The following VIRMA variants were observed in gnomAD, a reference collection of about 807,000 sequenced individuals.
The protein encoded by VIRMA is vir like m6A methyltransferase associated.
VIRMA carries 65 observed loss-of-function variants against 182.4 expected under a neutral mutation model. The observed-to-expected ratio is 0.36, with a 90% CI of 0.29 to 0.44. VIRMA has a LOEUF of 0.44. Among genes scored for constraint, VIRMA ranks in the 20% least tolerant of loss-of-function variants. The pLI is 1.00. For missense variants in VIRMA, 1,752 were observed against 2,158.1 expected (o/e 0.81, Z 3.73); for synonymous variants, 709 against 743.1 (o/e 0.95, Z 0.75).
chr8:94,516,933 T>G (rs1055430385), intron 10 of VIRMA, among the ~76,000 whole-genome samples: 2 of 152,204 alleles, frequency 1.3e-5, no homozygotes, highest in Non-Finnish European at 2.9e-5. Context: ...CTTGATAAGG[T>G]CAGAAAACGA....
In VIRMA at chr8:94,531,058, T is replaced by C; in HGVS notation, c.512A>G (p.Asn171Ser). The C allele has an allele frequency of 6.3e-7, 1 of 1,583,274 alleles. No homozygotes were observed. The highest frequency in any genetic ancestry group is 2.3e-5 in the East Asian group (1 of 42,764). Residue 171 changes from asparagine to serine, a missense_variant, in exon 6 of 24, where the codon AAT becomes AGT. By Grantham distance (46) the Asn-to-Ser change is conservative (BLOSUM62 1). Coordinates refer to ENST00000297591, the MANE Select transcript of VIRMA (RefSeq NM_015496.5). ...TGGCTGTGGTCTTGGAGGGCTTCCA[T>C]TAAACTGATCTTCTTTCTCCCCATC... ...HADGEKEDQF[N>S]GSPPRPQPRG...
In VIRMA at chr8:94,495,832, C is replaced by T; in HGVS notation, c.4443G>A (p.Lys1481=). ...GGTCACCTGATGACTCCAGCATCTG[C>T]TTAAGTCCAACTACACTGTCCAACA... is the stretch of plus-strand genomic sequence containing the variant. ...DSLLDSVVGL[K]QMLESSGDPL... The change falls in exon 19 of 24, where the codon AAG becomes AAA. Residue 1481 remains lysine, a synonymous_variant. Transcript: ENST00000297591. 1 of 1,613,954 alleles carries T rather than the reference C, an allele frequency of 6.2e-7. No homozygotes were observed. The highest frequency in any genetic ancestry group is 1.3e-5 in the African/African-American group (1 of 75,042).
chr8:94,526,980 T>G lies in VIRMA; in HGVS notation c.1264A>C (p.Asn422His). Reference sequence around the variant, plus strand: ...TGGCCAAGGGAGTCTTGTTTTGTGTTTTTCAATTGCAAATAGCTTAACCCT... The same window carrying G: ...TGGCCAAGGGAGTCTTGTTTTGTGTGTTTCAATTGCAAATAGCTTAACCCT... ...IKGLSYLQLK[N>H]TKQDSLGQLV... Residue 422 changes from asparagine to histidine, a missense_variant, in exon 8 of 24, where the codon AAC becomes CAC. Around this residue, in one of 11 missense-constraint regions of VIRMA, gnomAD observed 401 missense variants for 455.1 expected, o/e 0.88. Coordinates refer to ENST00000297591, the MANE Select transcript of VIRMA (RefSeq NM_015496.5). The G allele has an allele frequency of 6.2e-7, 1 of 1,614,214 alleles. No individual in the cohort carries two copies. The highest frequency in any genetic ancestry group is 8.5e-7 in the Non-Finnish European group (1 of 1,180,028).
chr8:94,499,316 A>G, intron 17 of VIRMA, 58 bp downstream of exon 17: 2 of 1,265,546 alleles, frequency 1.6e-6, no homozygotes, highest in East Asian at 5.4e-5. Flanking sequence ...TTTCAAATTT[A>G]AGAAACACCA....
At chr8:94,537,220 C>T (rs2130375341) in intron 3 of VIRMA, 69 bp from the exon 4 acceptor site, 1 of 976,250 alleles carries the variant, frequency 1.0e-6, no homozygotes, top group Non-Finnish European at 1.6e-6. Context: ...AGACGTCTCT[C>T]TAGATTCAAA....
Position 94,526,843 on chromosome 8 carries a change from T to A in VIRMA, c.1401A>T (p.Ala467=). 1.2e-6 allele frequency: 2 copies of A among 1,614,210 alleles called. No homozygotes were observed. Among genetic ancestry groups the A allele is most frequent in the Non-Finnish European group, 1.7e-6 (2 of 1,180,026 alleles). The change falls in exon 8 of 24, where the codon GCA becomes GCT. Residue 467 remains alanine (A), a synonymous_variant. Coordinates refer to ENST00000297591, the MANE Select transcript of VIRMA (RefSeq NM_015496.5). ...KAGTKLVSSL[A]ECGAQGVTGL... ...CTGTAACTCCTTGAGCCCCACATTC[T>A]GCTAGTGAGGACACTAATTTGGTCC...
In VIRMA at chr8:94,491,678, T is replaced by C. The variant is rs771832914; in HGVS notation, c.5040A>G (p.Val1680=). ...GIPPPKRPLK[V]SQKISSRGGF... ...CACCACGGGAAGAAATCTTCTGTGA[T>C]ACTTTGAGTGGCCGTTTTGGTGGAG... is the stretch of plus-strand genomic sequence containing the variant. The change falls in exon 22 of 24, where the codon GTA becomes GTG. Residue 1680 remains valine (V), a synonymous_variant. Transcript: ENST00000297591. The C allele has an allele frequency of 1.9e-6, 3 of 1,614,230 alleles. No individual in the cohort carries two copies. The highest frequency in any genetic ancestry group is 3.3e-5 in the Admixed American group (2 of 60,030).
At chr8:94,542,136 C>T (rs550842886) in intron 2 of VIRMA, among the ~76,000 whole-genome samples, 1 of 152,332 alleles carries the variant, frequency 6.6e-6, no homozygotes, top group African/African-American at 2.4e-5. Flanking sequence ...GTAAGGTGTA[C>T]ACCCTATGTA....
At chr8:94,540,254 CTA>C (rs1324452352) in intron 2 of VIRMA, among the ~76,000 whole-genome samples, 1 of 151,792 alleles carries the variant, frequency 6.6e-6, no homozygotes, top group Non-Finnish European at 1.5e-5. Context: ...ATTCATTAGA[CTA>C]TGTAGCTATT....
In VIRMA at chr8:94,529,247, A is replaced by G; in HGVS notation, c.703T>C (p.Ser235Pro). Residue 235 changes from serine to proline, a missense_variant, in exon 7 of 24, where the codon TCT becomes CCT. Coordinates refer to ENST00000297591, the MANE Select transcript of VIRMA (RefSeq NM_015496.5). Reference sequence around the variant, plus strand: ...TCCTCTTCTACTTCTCCTTCATCAGAATATTGCCCTTCCTGGGGAACAGAA... The same window carrying G: ...TCCTCTTCTACTTCTCCTTCATCAGGATATTGCCCTTCCTGGGGAACAGAA... ...RNSVPQEGQY[S>P]DEGEVEEEQQ... 3.1e-6 allele frequency: 5 copies of G among 1,605,576 alleles called. No homozygotes were observed. Among genetic ancestry groups the G allele is most frequent in the Non-Finnish European group, 4.3e-6 (5 of 1,172,252 alleles).
rs1194390063 is a variant in VIRMA at position 94,515,671 on chromosome 8, T to C, written c.2669-720A>G. On this transcript the variant is annotated intron_variant, in intron 10 of 23. Coordinates refer to ENST00000297591, the MANE Select transcript of VIRMA (RefSeq NM_015496.5). ...ACAAGTGTGAGCCACCGCGCCCAGCTTAAACAATTTAGTTTTAAAATGAAA... is the reference window on the plus strand; with the variant it reads ...ACAAGTGTGAGCCACCGCGCCCAGCCTAAACAATTTAGTTTTAAAATGAAA... Among the ~76,000 whole-genome samples the C allele has an allele frequency of 2.6e-5, 4 of 152,024 alleles. No individual in the cohort carries two copies. In the East Asian group the frequency reaches 7.7e-4, roughly 29 times the overall value.
chr8:94,501,934 C>T (rs1814001060), intron 16 of VIRMA, among the ~76,000 whole-genome samples: 1 of 152,192 alleles, frequency 6.6e-6, no homozygotes. Flanking sequence ...CTGTATCTAA[C>T]TGTTAAGTCC....
At chr8:94,537,236 T>A in intron 3 of VIRMA, 85 bp from the exon 4 acceptor site, 1 of 890,810 alleles carries the variant, frequency 1.1e-6, no homozygotes, top group Non-Finnish European at 1.8e-6. Context: ...TCAAATATTT[T>A]AATATAATCA....
At position 94,519,379 on chromosome 8, in the gene VIRMA, C is replaced by A; in HGVS notation, c.2119G>T (p.Val707Phe). 6.4e-7 allele frequency: 1 copy of A among 1,571,864 alleles called. No individual in the cohort carries two copies. The highest frequency in any genetic ancestry group is 1.2e-5 in the South Asian group (1 of 82,244). The part of the protein sequence containing the change: ...HPGVLQATKD[V>F]LKFLAQSQKG... ...TGTGACTGTGCAAGAAACTTCAAAA[C>A]ATCTTTTGTGGCTTGCAGCACACCA... Residue 707 changes from valine (V) to phenylalanine (F), a missense_variant, in exon 9 of 24, where the codon GTT (valine) becomes TTT (phenylalanine). This residue lies in a region of VIRMA where 401 missense variants were observed against 455.1 expected (regional missense o/e 0.88). Transcript: ENST00000297591.
intron 16 of VIRMA, among the ~76,000 whole-genome samples, chr8:94,502,856 T>C (rs1159172878): frequency 6.6e-6 from 1 of 151,960 alleles, no homozygotes; most frequent in African/African-American, 2.4e-5. Context: ...ATTTTACAAA[T>C]ATATAAATTA....
At chr8:94,552,056 A>G (rs1816006980) in intron 1 of VIRMA, among the ~76,000 whole-genome samples, 1 of 152,188 alleles carries the variant, frequency 6.6e-6, no homozygotes, top group Admixed American at 6.5e-5. Context: ...TCTATACACC[A>G]TAAGTTTGTT....
At chr8:94,519,717 T>C (rs1239388713) in intron 8 of VIRMA, among the ~76,000 whole-genome samples, 3 of 152,220 alleles carry the variant, frequency 2.0e-5, no homozygotes, top group South Asian at 2.1e-4. Context: ...TAAATAATTA[T>C]TGACAAGCTT....
rs1814658269 is a variant in VIRMA, at chr8:94,519,016, G to C, written c.2482C>G (p.Leu828Val). The change falls in exon 9 of 24, where the codon CTA (leucine) becomes GTA (valine). Residue 828 changes from leucine (L) to valine (V), a missense_variant. Around this residue, in one of 11 missense-constraint regions of VIRMA, gnomAD observed 777 missense variants for 920.6 expected, o/e 0.84. Coordinates refer to ENST00000297591, the MANE Select transcript of VIRMA (RefSeq NM_015496.5). ...GCTTCTTTGGAATAGTACTCCATTA[G>C]AGTAATAAGACTTTGGAGATTTTTC... ...LEKNLQSLIT[L>V]MEYYSKEALG... 11 of 1,613,046 alleles carry C rather than the reference G, an allele frequency of 6.8e-6. No individual in the cohort carries two copies. Among genetic ancestry groups the C allele is most frequent in the Non-Finnish European group, 9.3e-6 (11 of 1,179,656 alleles).
At chr8:94,552,748 AAGG>A (rs1373912250) in intron 1 of VIRMA, among the ~76,000 whole-genome samples, 1 of 152,154 alleles carries the variant, frequency 6.6e-6, no homozygotes, top group East Asian at 1.9e-4. Context: ...TCCAACCTCA[AAGG>A]AGATGTCTGC....
Sources: allele counts gnomAD v4.1 joint callset (sites outside exome capture counted in the v4.1 genomes callset), GRCh38; gene constraint gnomAD v4.1.1; regional missense constraint gnomAD v4.1.1; transcripts MANE v1.5; gene names NCBI Gene and HGNC (gene_info 2026-07-23, HGNC 2026-07-21).